Variants in IGBP1C observed in about 807,000 individuals in gnomAD.
The protein encoded by IGBP1C is immunoglobulin-binding protein 1 family member C.
At chr17:58,663,025 T>C in the IGBP1C span, among the ~76,000 whole-genome samples, 1 of 148,446 alleles carries the variant, frequency 6.7e-6, no homozygotes, top group Admixed American at 6.8e-5. Flanking sequence ...AGGAGAACGG[T>C]GTGAACCCGG....
the IGBP1C span, among the ~76,000 whole-genome samples, chr17:58,669,363 A>C: frequency 6.7e-6 from 1 of 149,218 alleles, no homozygotes; most frequent in Non-Finnish European, 1.5e-5. Flanking sequence ...AAAACAAACA[A>C]AAAAAAAAAC....
chr17:58,677,119 C>CAAA, the IGBP1C span, among the ~76,000 whole-genome samples: 3 of 78,600 alleles, frequency 3.8e-5, no homozygotes, highest in African/African-American at 4.7e-5. Flanking sequence ...AACTCCGTCT[C>CAAA]AAAAAAAAAA....
chr17:58,679,899 C>T, the IGBP1C span, among the ~76,000 whole-genome samples: 2 of 152,188 alleles, frequency 1.3e-5, no homozygotes, highest in South Asian at 2.1e-4. Context: ...GCAGTCACTG[C>T]GCTTATCTAC....
At chr17:58,690,385 C>G in the IGBP1C span, among the ~76,000 whole-genome samples, 1 of 152,150 alleles carries the variant, frequency 6.6e-6, no homozygotes, top group Non-Finnish European at 1.5e-5. Flanking sequence ...AGGCTGGTCT[C>G]AAACTCCTGA....
chr17:58,679,372 C>G, the IGBP1C span, among the ~76,000 whole-genome samples: 1 of 152,078 alleles, frequency 6.6e-6, no homozygotes, highest in South Asian at 2.1e-4. Context: ...CAACACCAAC[C>G]ACGAGGGGTG....
the IGBP1C span, among the ~76,000 whole-genome samples, chr17:58,681,496 G>A: frequency 6.6e-6 from 1 of 151,944 alleles, no homozygotes; most frequent in Non-Finnish European, 1.5e-5. Context: ...ACACACATAT[G>A]TATATGTATG....
chr17:58,660,731 G>A, the IGBP1C span: 128 of 781,312 alleles, frequency 1.6e-4, no homozygotes, highest in Non-Finnish European at 2.6e-4. Flanking sequence ...TTCTGGTGTT[G>A]CCTTGGCTAT....
the IGBP1C span, among the ~76,000 whole-genome samples, chr17:58,680,960 C>T: frequency 6.6e-6 from 1 of 152,082 alleles, no homozygotes; most frequent in South Asian, 2.1e-4. Flanking sequence ...GGTTTTCCAT[C>T]TTTACAAAAG....
chr17:58,663,728 G>A, the IGBP1C span, among the ~76,000 whole-genome samples: 5 of 152,002 alleles, frequency 3.3e-5, no homozygotes, highest in South Asian at 2.1e-4. Context: ...TTGACCTCCC[G>A]AAGTGCTGGG....
chr17:58,662,743 T>C, the IGBP1C span, among the ~76,000 whole-genome samples: 1 of 152,330 alleles, frequency 6.6e-6, no homozygotes, highest in Admixed American at 6.5e-5. Context: ...TGCTCAGAAA[T>C]ATGAGAGTGA....
chr17:58,679,931 G>A, the IGBP1C span, among the ~76,000 whole-genome samples: 1 of 152,128 alleles, frequency 6.6e-6, no homozygotes, highest in Non-Finnish European at 1.5e-5. Context: ...CCCTTTGGAT[G>A]ATCTCATTCA....
At chr17:58,683,039 C>T in the IGBP1C span, among the ~76,000 whole-genome samples, 6 of 126,382 alleles carry the variant, frequency 4.7e-5, no homozygotes, top group African/African-American at 1.6e-4. Context: ...GGCGACAGTG[C>T]GAGAGTCTGT....
At chr17:58,678,010 C>A in the IGBP1C span, among the ~76,000 whole-genome samples, 1 of 152,150 alleles carries the variant, frequency 6.6e-6, no homozygotes, top group South Asian at 2.1e-4. Flanking sequence ...ATTAGCCTGG[C>A]ATGGTGGCGG....
chr17:58,664,747 CTA>C, the IGBP1C span, among the ~76,000 whole-genome samples: 2 of 152,178 alleles, frequency 1.3e-5, no homozygotes, highest in Non-Finnish European at 2.9e-5. Flanking sequence ...GTTAAAAATG[CTA>C]TCTTATGACT....
the IGBP1C span, among the ~76,000 whole-genome samples, chr17:58,677,118 T>A: frequency 4.3e-4 from 30 of 69,096 alleles, no homozygotes; most frequent in African/African-American, 1.6e-3. Flanking sequence ...AAACTCCGTC[T>A]CAAAAAAAAA....
At chr17:58,661,555 G>A in the IGBP1C span, 2 of 751,062 alleles carry the variant, frequency 2.7e-6, no homozygotes, top group Non-Finnish European at 4.9e-6. Context: ...CGAACAGCTC[G>A]GGGAGCCGCG....
At chr17:58,661,574 A>C in the IGBP1C span, 3 of 737,500 alleles carry the variant, frequency 4.1e-6, no homozygotes, top group Non-Finnish European at 7.5e-6. Context: ...CGGCGGCGGC[A>C]GGAACTCGTC....
chr17:58,673,861 C>T, the IGBP1C span, among the ~76,000 whole-genome samples: 8 of 152,302 alleles, frequency 5.3e-5, no homozygotes, highest in African/African-American at 1.7e-4. Context: ...AGCCACCCCA[C>T]GTGGCTTCTC....
the IGBP1C span, among the ~76,000 whole-genome samples, chr17:58,663,001 G>A: frequency 6.6e-5 from 10 of 151,860 alleles, no homozygotes; most frequent in South Asian, 4.2e-4. Context: ...CCAGCCACTC[G>A]GAGAGGCTGA....
Sources: gnomAD v4.1 joint callset for allele counts (sites outside exome capture counted in the v4.1 genomes callset) on GRCh38, gnomAD v4.1.1 for gene constraint, MANE v1.5 for transcripts, NCBI Gene and HGNC (gene_info 2026-07-23, HGNC 2026-07-21) for gene names.